Variants in TSHZ2 observed in about 807,000 individuals in gnomAD.
TSHZ2 encodes teashirt zinc finger homeobox 2.
In TSHZ2, 21 loss-of-function variants were observed where a neutral mutation model predicts 74.4. The ratio of observed to expected loss-of-function variants is 0.28; its 90% CI spans 0.20 to 0.41. The LOEUF (loss-of-function observed/expected upper bound fraction) is 0.41. TSHZ2 is among the 10% of genes least tolerant of loss of function. The pLI is 1.00. For synonymous variants in TSHZ2, 540 were observed against 515.3 expected (o/e 1.05, Z -0.65); for missense variants, 1,244 against 1,293.5 (o/e 0.96, Z 0.59).
chr20:53,189,838 C>T (rs1006758101), intron 1 of TSHZ2, among the ~76,000 whole-genome samples: 1 of 151,784 alleles, frequency 6.6e-6, no homozygotes, highest in Non-Finnish European at 1.5e-5. Context: ...AATCCCAGCA[C>T]TTTGGGAGGC....
chr20:53,251,550 A>G (rs1001355572), intron 1 of TSHZ2, among the ~76,000 whole-genome samples: 1 of 152,218 alleles, frequency 6.6e-6, no homozygotes, highest in African/African-American at 2.4e-5. Context: ...TAGATTGAGT[A>G]GTTGTTGTTT....
chr20:53,189,444 G>C (rs1321832717), intron 1 of TSHZ2, among the ~76,000 whole-genome samples: 1 of 152,154 alleles, frequency 6.6e-6, no homozygotes, highest in Non-Finnish European at 1.5e-5. Flanking sequence ...CTTGTTTTCA[G>C]AGAAAATACT....
chr20:53,288,201 C>T (rs946339644), intron 2 of TSHZ2, among the ~76,000 whole-genome samples: 2 of 151,962 alleles, frequency 1.3e-5, no homozygotes, highest in African/African-American at 2.4e-5. Context: ...GTCAGGAGTT[C>T]GAGACCAGCC....
chr20:53,142,523 A>T (rs1157881341), intron 1 of TSHZ2, among the ~76,000 whole-genome samples: 1 of 152,244 alleles, frequency 6.6e-6, no homozygotes, highest in East Asian at 1.9e-4. Context: ...AAGCACAGGA[A>T]GGAAGATAAG....
intron 1 of TSHZ2, among the ~76,000 whole-genome samples, chr20:53,006,627 A>G (rs1487337713): frequency 6.6e-6 from 1 of 152,208 alleles, no homozygotes; most frequent in African/African-American, 2.4e-5. Context: ...TGGATTCACA[A>G]ACCTACATTT....
intron 2 of TSHZ2, among the ~76,000 whole-genome samples, chr20:53,268,565 C>G (rs1192139669): frequency 6.6e-6 from 1 of 152,224 alleles, no homozygotes; most frequent in African/African-American, 2.4e-5. Context: ...TGCTTTGCCT[C>G]TTCTTTCCCT....
At chr20:53,346,256 G>A (rs1980434104) in intron 2 of TSHZ2, among the ~76,000 whole-genome samples, 2 of 152,148 alleles carry the variant, frequency 1.3e-5, no homozygotes, top group South Asian at 4.1e-4. Context: ...AATTTAATCT[G>A]TTCCTCTCCC....
chr20:53,465,008 A>C (rs971983997), intron 2 of TSHZ2, among the ~76,000 whole-genome samples: 1 of 152,114 alleles, frequency 6.6e-6, no homozygotes, highest in Non-Finnish European at 1.5e-5. Flanking sequence ...TTTTTCTTAG[A>C]GCATCCTGGG....
At chr20:53,476,189 A>G (rs549522684) in intron 2 of TSHZ2, among the ~76,000 whole-genome samples, 8 of 146,524 alleles carry the variant, frequency 5.5e-5, no homozygotes, top group Non-Finnish European at 1.2e-4. Flanking sequence ...TACCAAAGCC[A>G]GGCAGAGACA....
intron 2 of TSHZ2, among the ~76,000 whole-genome samples, chr20:53,317,960 A>C (rs1285569200): frequency 6.6e-6 from 1 of 152,216 alleles, no homozygotes; most frequent in African/African-American, 2.4e-5. Flanking sequence ...ATGGACATCA[A>C]TTTGAAGGTT....
intron 1 of TSHZ2, among the ~76,000 whole-genome samples, chr20:53,201,937 C>T (rs1406001021): frequency 6.6e-6 from 1 of 152,122 alleles, no homozygotes; most frequent in Non-Finnish European, 1.5e-5. Flanking sequence ...GCAGAGAAGG[C>T]CAGAAGTGAT....
intron 2 of TSHZ2, among the ~76,000 whole-genome samples, chr20:53,276,426 G>A (rs753729909): frequency 6.6e-6 from 1 of 152,178 alleles, no homozygotes; most frequent in Non-Finnish European, 1.5e-5. Context: ...CAGCTGCGTA[G>A]ATCTATCCAC....
rs934241455 is a variant in TSHZ2, at chr20:53,064,460, C to T, written c.40+91127C>T. 6.6e-5 allele frequency among the ~76,000 whole-genome samples: 10 copies of T among 151,938 alleles called. No individual in the cohort carries two copies. In the South Asian group the frequency reaches 8.3e-4, roughly 13 times the overall value. On this transcript the variant is annotated intron_variant, in intron 1 of 2. Coordinates refer to ENST00000371497, the MANE Select transcript of TSHZ2 (RefSeq NM_173485.6). ...TTTTTTTATGTTACTGAATTAAGAA[C>T]GTTTGAGCCCCTATGCCATTAGAAG...
intron 1 of TSHZ2, among the ~76,000 whole-genome samples, chr20:53,220,579 G>T (rs1431740166): frequency 1.3e-5 from 2 of 152,156 alleles, no homozygotes; most frequent in Non-Finnish European, 2.9e-5. Context: ...ATTGTCTATG[G>T]CTGGTATCAC....
chr20:53,446,339 A>C (rs1044493108), intron 2 of TSHZ2, among the ~76,000 whole-genome samples: 1 of 151,156 alleles, frequency 6.6e-6, no homozygotes, highest in African/African-American at 2.4e-5. Flanking sequence ...CGAGGCGGGC[A>C]GATCAAGAGG....
chr20:53,212,486 G>A (rs1160709014), intron 1 of TSHZ2, among the ~76,000 whole-genome samples: 1 of 152,166 alleles, frequency 6.6e-6, no homozygotes, highest in African/African-American at 2.4e-5. Context: ...ATGGACATTC[G>A]TTCTTGAGTT....
At chr20:53,275,261 G>A (rs1309357432) in intron 2 of TSHZ2, among the ~76,000 whole-genome samples, 1 of 152,058 alleles carries the variant, frequency 6.6e-6, no homozygotes, top group African/African-American at 2.4e-5. Context: ...TTTAACCTCT[G>A]AGTCTCTAAG....
chr20:53,042,713 A>C (rs1035232313), intron 1 of TSHZ2, among the ~76,000 whole-genome samples: 2 of 151,938 alleles, frequency 1.3e-5, no homozygotes, highest in Non-Finnish European at 2.9e-5. Context: ...AAAAAAAAAA[A>C]AAAACACTGG....
In TSHZ2 at chr20:53,161,733, G is replaced by A. The variant is rs534859723; in HGVS notation, c.41-91766G>A. On this transcript the variant is annotated intron_variant, in intron 1 of 2. Transcript: ENST00000371497. ...CGCATGATACCATCACCTCCCACCA[G>A]GTACCTGCCTCAACACGTGGAGATT... is the stretch of plus-strand genomic sequence containing the variant. 4.2e-4 allele frequency among the ~76,000 whole-genome samples: 64 copies of A among 152,296 alleles called. 1 individual carries two copies. Among genetic ancestry groups the A allele is most frequent in the Middle Eastern group, 3.4e-3 (1 of 294 alleles).
Sources: allele counts gnomAD v4.1 joint callset (sites outside exome capture counted in the v4.1 genomes callset), GRCh38; gene constraint gnomAD v4.1.1; transcripts MANE v1.5; gene names NCBI Gene and HGNC (gene_info 2026-07-23, HGNC 2026-07-21).